Variants in LINS1 observed in about 807,000 individuals in gnomAD.
LINS1 encodes the protein protein Lines homolog 1.
In LINS1, 27 loss-of-function variants were observed where a neutral mutation model predicts 41.6. The ratio of observed to expected loss-of-function variants is 0.65; its 90% CI spans 0.48 to 0.89. LINS1 has a LOEUF of 0.89. LINS1 is among the 40% of genes least tolerant of loss of function. The pLI, the probability that LINS1 is intolerant of heterozygous loss-of-function variation, is 0.00. For synonymous variants in LINS1, 336 were observed against 312.9 expected, an observed-to-expected ratio of 1.07 and a Z score of -0.78; for missense variants, 955 against 884.1, an observed-to-expected ratio of 1.08 and a Z score of -1.02.
intron 1 of LINS1, among the ~76,000 whole-genome samples, chr15:100,587,341 G>C (rs1402978259): frequency 6.6e-6 from 1 of 152,042 alleles, no homozygotes; most frequent in Non-Finnish European, 1.5e-5. Flanking sequence ...TGTGCCTAGA[G>C]TGAATTTCTT....
At position 100,570,093 on chromosome 15, in the gene LINS1, C is replaced by A; in HGVS notation, c.1419G>T (p.Leu473Phe). The A allele has an allele frequency of 6.3e-7, 1 of 1,586,958 alleles. No homozygotes were observed. The highest frequency in any genetic ancestry group is 1.1e-5 in the South Asian group (1 of 87,896). ...GGTCCCACATTTCTTTTCCCTGAGT[C>A]AAGCTTTCAGTGGCTTCACATCCTC... is the stretch of plus-strand genomic sequence containing the variant. ...LTRGCEATES[L>F]TQGKEMWDHH... The change falls in exon 7 of 7, where the codon TTG (leucine) becomes TTT (phenylalanine). Residue 473 changes from leucine (L) to phenylalanine (F), a missense_variant. Coordinates refer to ENST00000314742, the MANE Select transcript of LINS1 (RefSeq NM_001040616.3).
chr15:100,571,729 A>G (rs1172805856), intron 6 of LINS1, among the ~76,000 whole-genome samples, 165 bp downstream of exon 6: 1 of 152,220 alleles, frequency 6.6e-6, no homozygotes, highest in Non-Finnish European at 1.5e-5. Flanking sequence ...CTAGCGATAC[A>G]AATGCAATCT....
At chr15:100,589,226 A>C (rs1490047791) in intron 1 of LINS1, among the ~76,000 whole-genome samples, 2 of 152,234 alleles carry the variant, frequency 1.3e-5, no homozygotes, top group Non-Finnish European at 2.9e-5. Flanking sequence ...AGACTATAAG[A>C]AAGCATGGGA....
At chr15:100,595,886 T>C (rs1233210555) in intron 1 of LINS1, among the ~76,000 whole-genome samples, 1 of 152,208 alleles carries the variant, frequency 6.6e-6, no homozygotes, top group Non-Finnish European at 1.5e-5. Flanking sequence ...CAGGCTGTCT[T>C]CCAGGATTCT....
chr15:100,592,185 C>T (rs781187844), intron 1 of LINS1, among the ~76,000 whole-genome samples: 3 of 152,244 alleles, frequency 2.0e-5, no homozygotes, highest in Non-Finnish European at 4.4e-5. Flanking sequence ...GCTTGGCCCA[C>T]TCCCACCCTG....
chr15:100,572,155 C>A, intron 5 of LINS1, 90 bp from the exon 6 acceptor site: 1 of 1,555,288 alleles, frequency 6.4e-7, no homozygotes. Flanking sequence ...GTCTAAAGTA[C>A]CTTAAGATGC....
intron 1 of LINS1, among the ~76,000 whole-genome samples, chr15:100,583,395 C>T (rs1259787388): frequency 2.0e-5 from 3 of 152,224 alleles, no homozygotes; most frequent in Non-Finnish European, 2.9e-5. Context: ...TTAGTCCTTT[C>T]ATGGAGAAAT....
At chr15:100,579,041 G>A (rs1294580558) in intron 3 of LINS1, among the ~76,000 whole-genome samples, 1 of 151,982 alleles carries the variant, frequency 6.6e-6, no homozygotes, top group Non-Finnish European at 1.5e-5. Flanking sequence ...AGGGGGAGGG[G>A]GAAGGGATAG....
In LINS1 at chr15:100,575,073, G is replaced by A. The variant is rs772937281; in HGVS notation, c.545C>T (p.Ser182Phe). Residue 182 changes from serine (S) to phenylalanine (F), a missense_variant, in exon 4 of 7, where the codon TCT becomes TTT. Transcript: ENST00000314742. ...AFCQKNLSEY[S>F]ESNKAIYCLW... ...GCAGTATATTGCTTTATTACTCTCAGAGTATTCAGAAAGATTTTTCTGGCA... is the reference window on the plus strand; with the variant it reads ...GCAGTATATTGCTTTATTACTCTCAAAGTATTCAGAAAGATTTTTCTGGCA... 2 of 1,612,332 alleles carry A rather than the reference G, an allele frequency of 1.2e-6. No individual in the cohort carries two copies. The highest frequency in any genetic ancestry group is 1.1e-5 in the South Asian group (1 of 91,044).
intron 6 of LINS1, chr15:100,570,642 C>G (rs938969344): frequency 6.6e-6 from 1 of 152,646 alleles, no homozygotes; most frequent in Non-Finnish European, 1.5e-5. Context: ...GTGGCCATGC[C>G]TTGAGAATGA....
At chr15:100,587,489 T>G (rs917333903) in intron 1 of LINS1, among the ~76,000 whole-genome samples, 3 of 152,152 alleles carry the variant, frequency 2.0e-5, no homozygotes, top group African/African-American at 7.2e-5. Flanking sequence ...TGGGAAAATT[T>G]AGGGTTGGTT....
At chr15:100,595,338 T>A (rs201194887) in intron 1 of LINS1, among the ~76,000 whole-genome samples, 3 of 149,926 alleles carry the variant, frequency 2.0e-5, no homozygotes, top group Non-Finnish European at 3.0e-5. Flanking sequence ...AACTCAACAT[T>A]AAAAAAAAAA....
At chr15:100,572,239 C>G (rs895692469) in intron 5 of LINS1, 174 bp from the exon 6 acceptor site, 2 of 1,434,036 alleles carry the variant, frequency 1.4e-6, no homozygotes, top group African/African-American at 2.9e-5. Flanking sequence ...AATGAGGACA[C>G]TGAGGCTCAG....
intron 3 of LINS1, chr15:100,576,694 T>C (rs140585963): frequency 0.13 from 19,840 of 152,276 alleles, 1,688 homozygotes; most frequent in Admixed American, 0.26. Flanking sequence ...ATCATCCTGA[T>C]ACCAAAGCCT....
chr15:100,580,891 TA>T lies in LINS1; in HGVS notation c.-50del, dbSNP rs375030614. On this transcript the variant is annotated 5_prime_UTR_variant, in exon 2 of 7. Transcript: ENST00000314742. ...TAAGAAGGTCGACAACTCCAAGTTG[TA>T]AACATTAAATCTCAGAAGTGCAATG... The T allele has an allele frequency of 2.6e-4, 400 of 1,533,720 alleles. No individual in the cohort carries two copies. In the African/African-American group the frequency reaches 5.0e-3, roughly 19 times the overall value.
At chr15:100,585,333 C>T (rs1325159531) in intron 1 of LINS1, among the ~76,000 whole-genome samples, 2 of 152,222 alleles carry the variant, frequency 1.3e-5, no homozygotes, top group African/African-American at 2.4e-5. Flanking sequence ...AGTTGCAATG[C>T]TGTTTGGCCC....
At chr15:100,571,136 C>G (rs186063785) in intron 6 of LINS1, among the ~76,000 whole-genome samples, 16 of 152,304 alleles carry the variant, frequency 1.1e-4, no homozygotes, top group Non-Finnish European at 1.9e-4. Context: ...ACTCAAGAGT[C>G]TAAGAGCAGC....
At chr15:100,597,864 A>G (rs147055573) in intron 1 of LINS1, among the ~76,000 whole-genome samples, 1 of 152,366 alleles carries the variant, frequency 6.6e-6, no homozygotes, top group East Asian at 1.9e-4. Context: ...CAATTGATAA[A>G]ACGAGATTAT....
chr15:100,602,006 T>A (rs1475343793), intron 1 of LINS1, 115 bp downstream of exon 1: 1 of 152,236 alleles, frequency 6.6e-6, no homozygotes, highest in Non-Finnish European at 1.5e-5. Flanking sequence ...GGCACCCCTC[T>A]ACTCGCTTCC....
Sources: allele counts gnomAD v4.1 joint callset (sites outside exome capture counted in the v4.1 genomes callset), GRCh38; gene constraint gnomAD v4.1.1; transcripts MANE v1.5; gene names NCBI Gene and HGNC (gene_info 2026-07-23, HGNC 2026-07-21).